CACNA2D3: variants seen among roughly 807,000 people sequenced by gnomAD.
CACNA2D3 encodes calcium voltage-gated channel auxiliary subunit alpha2delta 3.
Under a neutral mutation model 160.6 loss-of-function variants are expected in CACNA2D3, and 60 were observed. The observed-to-expected ratio is 0.37, with a 90% CI of 0.30 to 0.46. The LOEUF is 0.46. Ranked by LOEUF, CACNA2D3 falls within the 20% of genes least tolerant of loss-of-function variation. The pLI is 1.00. For synonymous variants in CACNA2D3, 558 were observed against 492.9 expected, an observed-to-expected ratio of 1.13 and a Z score of -1.75; for missense variants, 1,205 against 1,365.0, an observed-to-expected ratio of 0.88 and a Z score of 1.85.
At chr3:54,568,882 G>A (rs1439346537) in intron 6 of CACNA2D3, among the ~76,000 whole-genome samples, 1 of 152,194 alleles carries the variant, frequency 6.6e-6, no homozygotes, top group Non-Finnish European at 1.5e-5. Context: ...TTAGCCCATT[G>A]TGGTCCTGTA....
chr3:54,290,051 G>C (rs972573613), intron 2 of CACNA2D3, among the ~76,000 whole-genome samples: 4 of 151,420 alleles, frequency 2.6e-5, no homozygotes, highest in African/African-American at 9.7e-5. Context: ...AGCCGAAATT[G>C]ACAAATGGGA....
chr3:54,579,457 G>A (rs556228248), intron 8 of CACNA2D3, among the ~76,000 whole-genome samples: 1 of 152,210 alleles, frequency 6.6e-6, no homozygotes, highest in Admixed American at 6.5e-5. Context: ...GAGTATAGAT[G>A]AGTTTTCCCT....
intron 4 of CACNA2D3, among the ~76,000 whole-genome samples, chr3:54,459,065 T>A (rs931649527): frequency 2.6e-5 from 4 of 152,104 alleles, no homozygotes; most frequent in African/African-American, 9.7e-5. Flanking sequence ...GAATGATGAT[T>A]TCCAATTTCA....
intron 2 of CACNA2D3, among the ~76,000 whole-genome samples, chr3:54,314,391 T>C (rs1703816911): frequency 1.3e-5 from 2 of 152,232 alleles, no homozygotes; most frequent in Non-Finnish European, 2.9e-5. Flanking sequence ...CTTTTTCATA[T>C]AATGACTTCT....
intron 11 of CACNA2D3, among the ~76,000 whole-genome samples, chr3:54,644,705 CG>C (rs1337741870): frequency 6.6e-6 from 1 of 152,244 alleles, no homozygotes; most frequent in Admixed American, 6.5e-5. Flanking sequence ...GAGTGAGCTT[CG>C]GGATCACCCG....
chr3:54,341,774 C>T (rs1436069724), intron 3 of CACNA2D3, among the ~76,000 whole-genome samples: 1 of 152,136 alleles, frequency 6.6e-6, no homozygotes, highest in Non-Finnish European at 1.5e-5. Flanking sequence ...TGCTATGAGA[C>T]CTCCAGAGTG....
chr3:54,680,150 T>C (rs1383721954), intron 11 of CACNA2D3, among the ~76,000 whole-genome samples: 2 of 151,900 alleles, frequency 1.3e-5, no homozygotes, highest in Admixed American at 1.3e-4. Context: ...TCCAGATTCA[T>C]TGAGAAGCTA....
intron 2 of CACNA2D3, among the ~76,000 whole-genome samples, chr3:54,283,946 C>T (rs1265817435): frequency 6.6e-6 from 1 of 152,088 alleles, no homozygotes; most frequent in African/African-American, 2.4e-5. Flanking sequence ...GCTGTAGTCC[C>T]AGCTACTCAG....
At chr3:54,289,831 G>A (rs1238569529) in intron 2 of CACNA2D3, among the ~76,000 whole-genome samples, 2 of 152,156 alleles carry the variant, frequency 1.3e-5, no homozygotes, top group Non-Finnish European at 2.9e-5. Context: ...TTAATAAATG[G>A]TGCTGGGAAA....
chr3:54,841,778 C>T (rs547361059), intron 16 of CACNA2D3, among the ~76,000 whole-genome samples: 10 of 152,322 alleles, frequency 6.6e-5, no homozygotes, highest in East Asian at 1.9e-4. Context: ...GTTAACATAA[C>T]GAGCCATTTT....
intron 2 of CACNA2D3, among the ~76,000 whole-genome samples, chr3:54,232,332 C>T (rs929264743): frequency 1.3e-5 from 2 of 152,092 alleles, no homozygotes; most frequent in African/African-American, 4.8e-5. Flanking sequence ...ATGGGTTGTG[C>T]TCACAAGGGT....
At chr3:54,550,335 G>A (rs139381031) in intron 5 of CACNA2D3, among the ~76,000 whole-genome samples, 14 of 152,226 alleles carry the variant, frequency 9.2e-5, no homozygotes, top group African/African-American at 2.6e-4. Context: ...GCTGGGCCTC[G>A]GTTCCCTCAT....
intron 5 of CACNA2D3, among the ~76,000 whole-genome samples, chr3:54,560,972 T>A (rs1702315291): frequency 6.6e-6 from 1 of 152,236 alleles, no homozygotes; most frequent in Non-Finnish European, 1.5e-5. Flanking sequence ...CTGTTTTGGT[T>A]ACTGTAGCCC....
chr3:54,541,010 G>A (rs932582784), intron 5 of CACNA2D3, among the ~76,000 whole-genome samples: 2 of 152,134 alleles, frequency 1.3e-5, no homozygotes, highest in South Asian at 2.1e-4. Context: ...GAGCGTGGTG[G>A]CTCACGCCTG....
intron 2 of CACNA2D3, among the ~76,000 whole-genome samples, chr3:54,229,600 G>T (rs1047311113): frequency 3.9e-5 from 6 of 152,102 alleles, no homozygotes; most frequent in African/African-American, 1.2e-4. Context: ...CTCCGAAAGC[G>T]CTGGGATTAT....
intron 13 of CACNA2D3, among the ~76,000 whole-genome samples, chr3:54,794,460 T>C (rs1407781548): frequency 6.6e-6 from 1 of 152,204 alleles, no homozygotes; most frequent in Non-Finnish European, 1.5e-5. Flanking sequence ...ATCTTATAGT[T>C]ACCCACATGT....
chr3:54,649,160 T>G (rs1699711188), intron 11 of CACNA2D3, among the ~76,000 whole-genome samples: 1 of 152,166 alleles, frequency 6.6e-6, no homozygotes, highest in Admixed American at 6.6e-5. Context: ...CTTTTCCCTC[T>G]CTCCTTGCTT....
intron 17 of CACNA2D3, among the ~76,000 whole-genome samples, chr3:54,864,584 C>T (rs1380270360): frequency 6.6e-6 from 1 of 152,204 alleles, no homozygotes; most frequent in East Asian, 1.9e-4. Flanking sequence ...CTTAATCTGA[C>T]ACTGCTTCTC....
chr3:54,573,720 G>A (rs1702535858), intron 8 of CACNA2D3, among the ~76,000 whole-genome samples: 1 of 152,172 alleles, frequency 6.6e-6, no homozygotes, highest in Admixed American at 6.5e-5. Context: ...ACCAAACAGG[G>A]CATAATGTTT....
Sources: gnomAD v4.1 joint callset for allele counts (sites outside exome capture counted in the v4.1 genomes callset) on GRCh38, gnomAD v4.1.1 for gene constraint, MANE v1.5 for transcripts, NCBI Gene and HGNC (gene_info 2026-07-23, HGNC 2026-07-21) for gene names.